Variants in DHODH observed in about 807,000 individuals in gnomAD.
DHODH encodes dihydroorotate dehydrogenase (quinone), also known as dihydroorotate dehydrogenase (quinone), mitochondrial.
A neutral mutation model predicts 39.7 loss-of-function variants in DHODH; 30 were observed. The ratio of observed to expected loss-of-function variants is 0.76; its 90% CI spans 0.57 to 1.02. The LOEUF (loss-of-function observed/expected upper bound fraction) is 1.02, where lower values mean the gene tolerates loss of function less well. Among genes scored for constraint, DHODH ranks in the 50% least tolerant of loss-of-function variants. The pLI is 0.00. For missense variants in DHODH, 531 were observed against 520.8 expected, an observed-to-expected ratio of 1.02 and a Z score of -0.19; for synonymous variants, 222 against 213.8, an observed-to-expected ratio of 1.04 and a Z score of -0.34.
At chr16:72,009,239 C>T in intron 1 of DHODH, 2 of 658,294 alleles carry the variant, frequency 3.0e-6, no homozygotes, top group Non-Finnish European at 3.8e-6. Context: ...CGCGGTGGCT[C>T]ACGCCTGTAA....
chr16:72,009,106 G>C (rs2041052929), intron 1 of DHODH: 1 of 1,305,908 alleles, frequency 7.7e-7, no homozygotes, highest in Admixed American at 3.3e-5. Context: ...CGGATCCAAC[G>C]GGGAATGAAA....
At chr16:72,020,651 C>T (rs1317999191) in intron 4 of DHODH, among the ~76,000 whole-genome samples, 1 of 152,006 alleles carries the variant, frequency 6.6e-6, no homozygotes, top group Non-Finnish European at 1.5e-5. Flanking sequence ...CGCACCTGGC[C>T]TGTTTTTCAG....
In DHODH at chr16:72,027,427, G is replaced by A. The variant is rs1261412677; in HGVS notation, c.*3228G>A. On this transcript the variant is annotated 3_prime_UTR_variant, in exon 9 of 9. Coordinates refer to ENST00000219240, the MANE Select transcript of DHODH (RefSeq NM_001361.5). ...ATTACAGGTGTGAGCCACCGCACCC[G>A]GCCCAAGGATACCTATTTTTCTTAA... 6.6e-6 allele frequency: 1 copy of A among 152,066 alleles called. No homozygotes were observed. Among genetic ancestry groups the A allele is most frequent in the Non-Finnish European group, 1.5e-5 (1 of 68,028 alleles). The allele number at this position is 152,066 out of a possible 1,614,324, so 9.4% of individuals were successfully genotyped here.
In DHODH at chr16:72,022,354, C is replaced by T. The variant is rs547298424; in HGVS notation, c.706-8C>T. ...GGGGTCCCCAGCTCTGGCCGTGTGT[C>T]GCCCTAGGTGCTGCAGGAGAGGGAT... On this transcript the variant is annotated splice_polypyrimidine_tract_variant and splice_region_variant and intron_variant, in intron 5 of 8. Transcript: ENST00000219240. 1.6e-5 allele frequency: 25 copies of T among 1,550,172 alleles called. No homozygotes were observed. Among genetic ancestry groups the T allele is most frequent in the South Asian group, 1.2e-4 (10 of 84,016 alleles).
rs2041268128 is a variant in DHODH, at chr16:72,025,393, C to T, written c.*1194C>T. The T allele has an allele frequency of 6.6e-6, 1 of 152,232 alleles. No homozygotes were observed. The highest frequency in any genetic ancestry group is 1.5e-5 in the Non-Finnish European group (1 of 68,040). 9.4% of individuals were successfully genotyped at this position (152,232 alleles called of 1,614,324 possible). ...TATGTTTTCATACAAATGACATCAT[C>T]CCACAAATAGAATTCTGCCATTTAC... is the stretch of plus-strand genomic sequence containing the variant. On this transcript the variant is annotated 3_prime_UTR_variant, in exon 9 of 9. Coordinates refer to ENST00000219240, the MANE Select transcript of DHODH (RefSeq NM_001361.5).
intron 4 of DHODH, chr16:72,020,353 ATGTGTATATATATATATATTTTT>A (rs2041195932): frequency 1.8e-5 from 2 of 109,460 alleles, no homozygotes; most frequent in African/African-American, 8.1e-5. Flanking sequence ...ATATATATAT[ATGTGTATATATATATATATTTTT>A]TTTTTTTTTC....
chr16:72,021,360 C>G (rs2041215488), intron 5 of DHODH, 49 bp downstream of exon 5: 1 of 1,544,988 alleles, frequency 6.5e-7, no homozygotes, highest in Non-Finnish European at 8.7e-7. Context: ...GCCTGTCCCA[C>G]CTGCTCCCCT....
chr16:72,021,341 G>T, intron 5 of DHODH, 30 bp downstream of exon 5: 1 of 1,573,650 alleles, frequency 6.4e-7, no homozygotes. Context: ...TCCAGGCCCT[G>T]TCCCACCAGC....
At chr16:72,023,753 A>G (rs2041249991) in intron 8 of DHODH, 120 bp downstream of exon 8, 1 of 1,401,492 alleles carries the variant, frequency 7.1e-7, no homozygotes, top group African/African-American at 1.4e-5. Context: ...TGAGGGGTAC[A>G]CTCTGAAGGG....
At chr16:72,023,710 G>T (rs1284591111) in intron 8 of DHODH, 77 bp downstream of exon 8, 6 of 1,586,510 alleles carry the variant, frequency 3.8e-6, no homozygotes, top group Non-Finnish European at 4.3e-6. Flanking sequence ...ACGAGATACT[G>T]TTGATCTGTT....
rs1421759472 is a variant in DHODH at position 72,025,672 on chromosome 16, T to C, written c.*1473T>C. The C allele has an allele frequency of 6.6e-6, 1 of 152,372 alleles. No homozygotes were observed. Among genetic ancestry groups the C allele is most frequent in the Non-Finnish European group, 1.5e-5 (1 of 68,158 alleles). 9.4% of individuals were successfully genotyped at this position (152,372 alleles called of 1,614,324 possible). A position where few individuals can be genotyped will look rare whatever the true frequency, so the allele number is the denominator to read the frequency against. On this transcript the variant is annotated 3_prime_UTR_variant, in exon 9 of 9. Coordinates refer to ENST00000219240, the MANE Select transcript of DHODH (RefSeq NM_001361.5). ...CACATTCTGATAGATAGAGCCAAGT[T>C]GCTCCTATCAGGTTTTCAAGCTGCC...
At chr16:72,010,610 C>G (rs2041071371) in intron 1 of DHODH, among the ~76,000 whole-genome samples, 1 of 152,226 alleles carries the variant, frequency 6.6e-6, no homozygotes, top group Non-Finnish European at 1.5e-5. Context: ...GAATGAATAA[C>G]TCAGCATGTG....
intron 5 of DHODH, 117 bp downstream of exon 5, chr16:72,021,428 C>T (rs1245491389): frequency 1.9e-5 from 21 of 1,085,474 alleles, no homozygotes; most frequent in Non-Finnish European, 2.7e-5. Context: ...AGCACCTAGA[C>T]CAGTAGGACC....
Position 72,008,890 on chromosome 16 carries a change from T to C in DHODH, c.21+105T>C, listed in dbSNP as rs1165749932. Reference sequence around the variant, plus strand: ...CATGGACCGAAGGCGGCTCCGGGAGTGTGGGCCCCCCTGGGACGTGTGCGT... The same window carrying C: ...CATGGACCGAAGGCGGCTCCGGGAGCGTGGGCCCCCCTGGGACGTGTGCGT... On this transcript the variant is annotated intron_variant, in intron 1 of 8. Transcript: ENST00000219240. The C allele has an allele frequency of 1.9e-6, 3 of 1,548,556 alleles. No homozygotes were observed. In the Admixed American group the frequency reaches 5.9e-5, roughly 30 times the overall value.
At position 72,024,409 on chromosome 16, in the gene DHODH, C is replaced by A; in HGVS notation, c.*210C>A. On this transcript the variant is annotated 3_prime_UTR_variant, in exon 9 of 9. Transcript: ENST00000219240. ...CAGACCATAAACTGCATTTTTGATTCTTTGTGGATTCAAACCCTAGGATCC... is the reference window on the plus strand; with the variant it reads ...CAGACCATAAACTGCATTTTTGATTATTTGTGGATTCAAACCCTAGGATCC... 3 of 611,846 alleles carry A rather than the reference C, an allele frequency of 4.9e-6. No individual in the cohort carries two copies. The highest frequency in any genetic ancestry group is 1.9e-5 in the South Asian group (1 of 53,398). 37.9% of individuals were successfully genotyped at this position (611,846 alleles called of 1,614,324 possible).
rs1277591832 is a variant in DHODH, at chr16:72,025,436, T to C, written c.*1237T>C. ...CCATTTACTTTCTTCACTATTCTTA[T>C]GTGGCATGGTTCATGCTGGGCCTCG... On this transcript the variant is annotated 3_prime_UTR_variant, in exon 9 of 9. Transcript: ENST00000219240. The C allele has an allele frequency of 6.6e-6, 1 of 152,290 alleles. No homozygotes were observed. The highest frequency in any genetic ancestry group is 1.5e-5 in the Non-Finnish European group (1 of 68,058). The allele number at this position is 152,290 out of a possible 1,614,324, so 9.4% of individuals were successfully genotyped here.
intron 3 of DHODH, chr16:72,016,122 T>A (rs1039932476): frequency 6.5e-6 from 1 of 152,852 alleles, no homozygotes; most frequent in East Asian, 1.9e-4. Flanking sequence ...CTGCAAGTAT[T>A]ATGTTCTTAC....
chr16:72,011,012 C>T (rs1422437231), intron 1 of DHODH, among the ~76,000 whole-genome samples: 1 of 147,798 alleles, frequency 6.8e-6, no homozygotes, highest in Non-Finnish European at 1.5e-5. Context: ...AAGCATGAGC[C>T]ACCAAGTCCA....
rs773174162 is a variant in DHODH at position 72,023,539 on chromosome 16, G to A, written c.1039G>A (p.Ala347Thr). ...GCAGGACGCGCTGGAGAAGATCCGGGCAGGGGCCTCCCTGGTGCAGCTGTA... is the reference window on the plus strand; with the variant it reads ...GCAGGACGCGCTGGAGAAGATCCGGACAGGGGCCTCCCTGGTGCAGCTGTA... ...SGQDALEKIR[A>T]GASLVQLYTA... The change falls in exon 8 of 9, where the codon GCA becomes ACA. Residue 347 changes from alanine (A) to threonine (T), a missense_variant. Ala to Thr is a moderately conservative substitution (Grantham distance 58, BLOSUM62 0). Coordinates refer to ENST00000219240, the MANE Select transcript of DHODH (RefSeq NM_001361.5). 6 of 1,614,150 alleles carry A rather than the reference G, an allele frequency of 3.7e-6. No individual in the cohort carries two copies. In the East Asian group the frequency reaches 1.3e-4, roughly 36 times the overall value.
Sources: gnomAD v4.1 joint callset for allele counts (sites outside exome capture counted in the v4.1 genomes callset) on GRCh38, gnomAD v4.1.1 for gene constraint, MANE v1.5 for transcripts, NCBI Gene and HGNC (gene_info 2026-07-23, HGNC 2026-07-21) for gene names.